The following PCDHGB5 variants were observed in gnomAD, a reference collection of about 807,000 sequenced individuals.
The protein encoded by PCDHGB5 is protocadherin gamma-B5.
PCDHGB5 carries 48 observed loss-of-function variants against 62.9 expected under a neutral mutation model. The observed-to-expected ratio is 0.76, with a 90% confidence interval of 0.61 to 0.97. PCDHGB5 has a LOEUF of 0.97. Ranked by LOEUF, PCDHGB5 falls within the 50% of genes least tolerant of loss-of-function variation. The pLI, the probability that PCDHGB5 is intolerant of heterozygous loss-of-function variation, is 0.00. For synonymous variants in PCDHGB5, 474 were observed against 511.2 expected (o/e 0.93, Z 0.98); for missense variants, 1,118 against 1,198.6 (o/e 0.93, Z 0.99).
intron 1 of PCDHGB5, among the ~76,000 whole-genome samples, chr5:141,451,403 G>A (rs2154563571): frequency 6.6e-6 from 1 of 152,288 alleles, no homozygotes; most frequent in South Asian, 2.1e-4. Context: ...GCAAAATTAA[G>A]TTCCTTGTGG....
At chr5:141,417,621 A>G in intron 1 of PCDHGB5, 1 of 662,852 alleles carries the variant, frequency 1.5e-6, no homozygotes, top group Non-Finnish European at 2.4e-6. Context: ...GTGCAGAGCA[A>G]GCGCTGACGC....
At chr5:141,461,281 C>T (rs1305044383) in intron 1 of PCDHGB5, among the ~76,000 whole-genome samples, 1 of 152,050 alleles carries the variant, frequency 6.6e-6, no homozygotes, top group Non-Finnish European at 1.5e-5. Flanking sequence ...CTCTTTTCCC[C>T]ACATCCACAC....
chr5:141,411,785 G>A (rs2095515346), intron 1 of PCDHGB5: 1 of 152,310 alleles, frequency 6.6e-6, no homozygotes, highest in South Asian at 2.1e-4. Context: ...TGGTGGCTGT[G>A]GTGGGAGAAT....
intron 1 of PCDHGB5, chr5:141,403,336 C>T (rs2094393288): frequency 1.9e-6 from 3 of 1,614,032 alleles, no homozygotes; most frequent in Non-Finnish European, 2.5e-6. Flanking sequence ...ATATTAACGA[C>T]AGCGCCCCAA....
At position 141,399,847 on chromosome 5, in the gene PCDHGB5, G is replaced by T. The variant is rs746731144; in HGVS notation, c.1720G>T (p.Val574Leu). 19 of 1,612,874 alleles carry T rather than the reference G, an allele frequency of 1.2e-5. No individual in the cohort carries two copies. The highest frequency in any genetic ancestry group is 1.7e-4 in the Middle Eastern group (1 of 5,736). The change falls in exon 1 of 4, where the codon GTG (valine) becomes TTG (leucine). Residue 574 changes from valine (V) to leucine (L), a missense_variant. Val to Leu is a conservative substitution (Grantham distance 32). Around this residue, in one of 2 missense-constraint regions of PCDHGB5, gnomAD observed 1,034 missense variants for 1,029.1 expected, o/e 1.00. Coordinates refer to ENST00000617380, the MANE Select transcript of PCDHGB5 (RefSeq NM_018925.3). ...GPDGSALFDMVPRAAEPGYLV... is the reference protein window; with the variant it reads ...GPDGSALFDMLPRAAEPGYLV... ...CGACGGCTCTGCGCTCTTCGATATG[G>T]TGCCGCGCGCTGCAGAGCCCGGCTA...
Position 141,477,918 on chromosome 5 carries a change from G to A in PCDHGB5, c.2398-16889G>A. 1 of 1,614,154 alleles carries A rather than the reference G, an allele frequency of 6.2e-7. No individual in the cohort carries two copies. Among genetic ancestry groups the A allele is most frequent in the Admixed American group, 1.7e-5 (1 of 60,026 alleles). ...GTGGTAGGCTGGGACGCGGATGCAG[G>A]GCACAATGCCTGGCTCTCCTACAGT... is the stretch of plus-strand genomic sequence containing the variant. On this transcript the variant is annotated intron_variant, in intron 1 of 3. Coordinates refer to ENST00000617380, the MANE Select transcript of PCDHGB5 (RefSeq NM_018925.3). The surrounding 1 kb of genome is among the most constrained non-coding windows in gnomAD (Gnocchi z 4.9).
intron 1 of PCDHGB5, among the ~76,000 whole-genome samples, chr5:141,471,778 A>T (rs2099264151): frequency 6.6e-6 from 1 of 152,244 alleles, no homozygotes; most frequent in Non-Finnish European, 1.5e-5. Flanking sequence ...TGAGTTTGAC[A>T]TTATGCTATG....
At chr5:141,410,523 A>G (rs2095403267) in intron 1 of PCDHGB5, 3 of 1,613,800 alleles carry the variant, frequency 1.9e-6, no homozygotes, top group South Asian at 2.2e-5. Flanking sequence ...GTGCCCCTAC[A>G]TTCCAATGAA....
chr5:141,400,147 C>T lies in PCDHGB5; in HGVS notation c.2020C>T (p.Arg674Cys), dbSNP rs751998425. ...GGAGGTGCTGCCGGATATCACTGAC[C>T]GCCCTGTACCCTCTGACCCCCAGGC... Reference protein sequence around the residue: ...LQEVLPDITDRPVPSDPQAEL... With the variant: ...LQEVLPDITDCPVPSDPQAEL... Residue 674 changes from arginine (R) to cysteine (C), a missense_variant, in exon 1 of 4, where the codon CGC (arginine) becomes TGC (cysteine). By Grantham distance (180) the Arg-to-Cys change is radical. Coordinates refer to ENST00000617380, the MANE Select transcript of PCDHGB5 (RefSeq NM_018925.3). 3.7e-6 allele frequency: 6 copies of T among 1,614,074 alleles called. No homozygotes were observed. In the East Asian group the frequency reaches 1.1e-4, roughly 30 times the overall value.
chr5:141,437,794 G>C (rs1162440523), intron 1 of PCDHGB5, among the ~76,000 whole-genome samples: 1 of 150,526 alleles, frequency 6.6e-6, no homozygotes, highest in Non-Finnish European at 1.5e-5. Context: ...CTGGAGTGCA[G>C]TGGCACTATC....
Position 141,481,350 on chromosome 5 carries a change from T to C in PCDHGB5, c.2398-13457T>C, listed in dbSNP as rs901892475. Among the ~76,000 whole-genome samples, 4 of 152,248 alleles carry C rather than the reference T, an allele frequency of 2.6e-5. No homozygotes were observed. The South Asian group carries it at 8.3e-4, about 32-fold the overall frequency. On this transcript the variant is annotated intron_variant, in intron 1 of 3. Coordinates refer to ENST00000617380, the MANE Select transcript of PCDHGB5 (RefSeq NM_018925.3). The stretch of plus-strand genomic sequence containing the variant: ...CCTGGACAACTATTATTTAAACATC[T>C]ACAGCTGTTCAATAGATATTGGGTT...
At chr5:141,413,687 T>C (rs1470256826) in intron 1 of PCDHGB5, 1 of 1,613,784 alleles carries the variant, frequency 6.2e-7, no homozygotes, top group South Asian at 1.1e-5. Flanking sequence ...GTGAACTCCC[T>C]GCAGAGCTAT....
At chr5:141,412,561 T>G (rs1183372771) in intron 1 of PCDHGB5, 3 of 152,184 alleles carry the variant, frequency 2.0e-5, no homozygotes, top group Admixed American at 6.5e-5. Context: ...TCTCATGAGT[T>G]TATTTAATAT....
intron 1 of PCDHGB5, among the ~76,000 whole-genome samples, chr5:141,480,187 T>TGAGGCCAGCAGTTC (rs2099513839): frequency 6.6e-6 from 1 of 151,380 alleles, no homozygotes; most frequent in Admixed American, 6.6e-5. Context: ...GCGGATTGCT[T>TGAGGCCAGCAGTTC]GAGGCCAGCA....
chr5:141,460,834 A>G (rs757757290), intron 1 of PCDHGB5, among the ~76,000 whole-genome samples: 11 of 151,874 alleles, frequency 7.2e-5, no homozygotes, highest in Non-Finnish European at 1.3e-4. Context: ...CACTTAAAGT[A>G]ATGGCCTCCA....
chr5:141,455,616 A>G (rs2154565146), intron 1 of PCDHGB5, among the ~76,000 whole-genome samples: 1 of 152,244 alleles, frequency 6.6e-6, no homozygotes, highest in South Asian at 2.1e-4. Flanking sequence ...GGATGTTCTA[A>G]ACACGTGGAG....
At position 141,491,682 on chromosome 5, in the gene PCDHGB5, G is replaced by A. The variant is rs11952292; in HGVS notation, c.2398-3125G>A. The A allele has an allele frequency of 1.9e-6, 3 of 1,613,150 alleles. No individual in the cohort carries two copies. Among genetic ancestry groups the A allele is most frequent in the South Asian group, 1.1e-5 (1 of 91,046 alleles). On this transcript the variant is annotated intron_variant, in intron 1 of 3. Coordinates refer to ENST00000617380, the MANE Select transcript of PCDHGB5 (RefSeq NM_018925.3). The surrounding 1 kb of genome is among the most constrained non-coding windows in gnomAD (Gnocchi z 6.9). Reference sequence around the variant, plus strand: ...ACGCCATCCGGTCCCGCTCTAATACGCTGCGGGAGCGGAGCCAGGTGAGGG... The same window carrying A: ...ACGCCATCCGGTCCCGCTCTAATACACTGCGGGAGCGGAGCCAGGTGAGGG...
chr5:141,441,343 C>T (rs2098240806), intron 1 of PCDHGB5: 1 of 152,368 alleles, frequency 6.6e-6, no homozygotes, highest in African/African-American at 2.4e-5. Flanking sequence ...TAATTAACTA[C>T]ATGCTTGTAA....
chr5:141,494,185 GAC>G (rs2099752607), intron 1 of PCDHGB5, among the ~76,000 whole-genome samples: 1 of 152,154 alleles, frequency 6.6e-6, no homozygotes, highest in Non-Finnish European at 1.5e-5. Context: ...AGTGTCCCGG[GAC>G]TTGGATGCCC....
Sources: gnomAD v4.1 joint callset for allele counts (sites outside exome capture counted in the v4.1 genomes callset) on GRCh38, gnomAD v4.1.1 for gene constraint, gnomAD v4.1.1 regional missense constraint, Gnocchi (gnomAD v3.1) non-coding constraint, MANE v1.5 for transcripts, NCBI Gene and HGNC (gene_info 2026-07-23, HGNC 2026-07-21) for gene names.